Variants in SLC9A4 observed in about 807,000 individuals in gnomAD.
The protein encoded by SLC9A4 is solute carrier family 9 member A4, also known as sodium/hydrogen exchanger 4.
Under a neutral mutation model 67.4 loss-of-function variants are expected in SLC9A4, and 63 were observed. The ratio of observed to expected loss-of-function variants is 0.93; its 90% CI spans 0.76 to 1.15. The LOEUF (loss-of-function observed/expected upper bound fraction) is 1.15. SLC9A4 is among the 50% of genes most tolerant of loss of function. SLC9A4 has a pLI of 0.00. For missense variants in SLC9A4, 1,089 were observed against 987.7 expected (o/e 1.10, Z -1.38); for synonymous variants, 393 against 367.2 (o/e 1.07, Z -0.80).
At chr2:102,487,181 G>A (rs909695985) in intron 2 of SLC9A4, among the ~76,000 whole-genome samples, 1 of 150,392 alleles carries the variant, frequency 6.6e-6, no homozygotes, top group Non-Finnish European at 1.5e-5. Flanking sequence ...CACAGCTGGT[G>A]TGTGTGTGTG....
chr2:102,532,676 C>A lies in SLC9A4; in HGVS notation c.2385C>A (p.Leu795=). Residue 795 remains leucine, a synonymous_variant, in exon 12 of 12, where the codon CTC becomes CTA. Coordinates refer to ENST00000295269, the MANE Select transcript of SLC9A4 (RefSeq NM_001011552.4). The stretch of plus-strand genomic sequence containing the variant: ...ATCACAGGTCCCATAGTCCTTTGCT[C>A]CAAAAAAAATAGTGTTATTGTCCAC... ...RDHHRSHSPL[L]QKK is the part of the protein sequence containing the mutation. 2.5e-6 allele frequency: 4 copies of A among 1,610,474 alleles called. No homozygotes were observed. The highest frequency in any genetic ancestry group is 1.7e-5 in the Admixed American group (1 of 59,420).
At chr2:102,487,272 A>G (rs897979337) in intron 2 of SLC9A4, among the ~76,000 whole-genome samples, 12 of 152,032 alleles carry the variant, frequency 7.9e-5, no homozygotes, top group African/African-American at 2.9e-4. Flanking sequence ...CAACCACTAT[A>G]GCTTGTGATG....
At chr2:102,498,560 T>C (rs1191222237) in intron 2 of SLC9A4, among the ~76,000 whole-genome samples, 1 of 152,232 alleles carries the variant, frequency 6.6e-6, no homozygotes, top group Non-Finnish European at 1.5e-5. Context: ...ACTTTCCTTT[T>C]CTGGGATTGT....
intron 3 of SLC9A4, among the ~76,000 whole-genome samples, chr2:102,504,474 C>T (rs1685008757): frequency 6.6e-6 from 1 of 152,160 alleles, no homozygotes. Flanking sequence ...ATCTACATTT[C>T]CTTGCTCTAA....
At chr2:102,475,594 T>C (rs759320318) in intron 1 of SLC9A4, among the ~76,000 whole-genome samples, 2 of 152,222 alleles carry the variant, frequency 1.3e-5, no homozygotes, top group Non-Finnish European at 2.9e-5. Flanking sequence ...CATAGAACTG[T>C]TGGTTTAAAT....
At position 102,503,439 on chromosome 2, in the gene SLC9A4, T is replaced by C. The variant is rs564690193; in HGVS notation, c.721-9T>C. On this transcript the variant is annotated splice_polypyrimidine_tract_variant and intron_variant, in intron 2 of 11. Transcript: ENST00000295269. ...TAATTCATATTTGTTTACTCTCTTTTTTGCCTAGGTCTTATACAATATGTT... is the reference window on the plus strand; with the variant it reads ...TAATTCATATTTGTTTACTCTCTTTCTTGCCTAGGTCTTATACAATATGTT... 3 of 1,571,272 alleles carry C rather than the reference T, an allele frequency of 1.9e-6. No homozygotes were observed. In the African/African-American group the frequency reaches 4.1e-5, roughly 21 times the overall value.
chr2:102,477,886 T>A (rs567623777), intron 1 of SLC9A4, among the ~76,000 whole-genome samples: 9 of 152,258 alleles, frequency 5.9e-5, no homozygotes, highest in Non-Finnish European at 1.3e-4. Context: ...TTTGTTGATA[T>A]GTTCAATATA....
chr2:102,528,111 G>A (rs953853842), intron 11 of SLC9A4, among the ~76,000 whole-genome samples: 1 of 152,070 alleles, frequency 6.6e-6, no homozygotes, highest in South Asian at 2.1e-4. Context: ...GAGTTCAAGC[G>A]ATTCTCCTGG....
intron 2 of SLC9A4, among the ~76,000 whole-genome samples, chr2:102,484,608 A>AG (rs1211899832): frequency 6.6e-6 from 1 of 152,186 alleles, no homozygotes; most frequent in Non-Finnish European, 1.5e-5. Context: ...ATTCTGAACA[A>AG]GCAGCTGATT....
chr2:102,507,626 G>A (rs1049487218), intron 4 of SLC9A4, among the ~76,000 whole-genome samples: 2 of 151,964 alleles, frequency 1.3e-5, no homozygotes, highest in Non-Finnish European at 2.9e-5. Flanking sequence ...GTCTCTAAGA[G>A]GACCCCTCTC....
intron 2 of SLC9A4, among the ~76,000 whole-genome samples, chr2:102,498,205 A>G (rs1259691571): frequency 1.3e-5 from 2 of 152,210 alleles, no homozygotes; most frequent in East Asian, 1.9e-4. Flanking sequence ...TGCAACTATA[A>G]TGTTACCCAG....
At chr2:102,477,917 T>C (rs1222477413) in intron 1 of SLC9A4, among the ~76,000 whole-genome samples, 2 of 152,246 alleles carry the variant, frequency 1.3e-5, no homozygotes, top group Non-Finnish European at 2.9e-5. Flanking sequence ...TATACTTACA[T>C]GTCATCTTCT....
At chr2:102,508,058 T>C (rs1192651617) in intron 4 of SLC9A4, 21 bp from the exon 5 acceptor site, 1 of 1,611,052 alleles carries the variant, frequency 6.2e-7, no homozygotes, top group African/African-American at 1.3e-5. Context: ...TCTGCTCTAA[T>C]ACACGTTTCC....
At chr2:102,496,139 A>C (rs1363794874) in intron 2 of SLC9A4, among the ~76,000 whole-genome samples, 1 of 152,226 alleles carries the variant, frequency 6.6e-6, no homozygotes, top group Non-Finnish European at 1.5e-5. Context: ...AAAGACATAG[A>C]GAATATGGAA....
chr2:102,532,216 C>A, intron 11 of SLC9A4, 114 bp from the exon 12 acceptor site: 1 of 1,214,384 alleles, frequency 8.2e-7, no homozygotes, highest in Non-Finnish European at 1.1e-6. Flanking sequence ...GAGTGTAGAG[C>A]TGAAACCTCA....
chr2:102,486,538 T>C (rs958959177), intron 2 of SLC9A4, among the ~76,000 whole-genome samples: 2 of 152,194 alleles, frequency 1.3e-5, no homozygotes, highest in East Asian at 1.9e-4. Context: ...CTTCTTTATA[T>C]TTTCTTTCAT....
At chr2:102,492,570 G>A (rs1055726793) in intron 2 of SLC9A4, among the ~76,000 whole-genome samples, 3 of 152,194 alleles carry the variant, frequency 2.0e-5, no homozygotes, top group African/African-American at 4.8e-5. Flanking sequence ...GAGACACACC[G>A]TACCATGTCC....
intron 11 of SLC9A4, among the ~76,000 whole-genome samples, chr2:102,528,819 C>T (rs1401738492): frequency 6.6e-6 from 1 of 152,122 alleles, no homozygotes; most frequent in African/African-American, 2.4e-5. Context: ...AATGGATGTC[C>T]TCACTAAAGG....
chr2:102,473,817 G>C lies in SLC9A4; in HGVS notation c.58G>C (p.Ala20Pro). 1 of 1,614,122 alleles carries C rather than the reference G, an allele frequency of 6.2e-7. No individual in the cohort carries two copies. Among genetic ancestry groups the C allele is most frequent in the Non-Finnish European group, 8.5e-7 (1 of 1,179,964 alleles). Residue 20 changes from alanine to proline, a missense_variant, in exon 1 of 12, where the codon GCT becomes CCT. Transcript: ENST00000295269. ...SPWNCLLLLVALECSEASSDL... is the reference protein window; with the variant it reads ...SPWNCLLLLVPLECSEASSDL... ...TTGGAATTGTTTGCTACTGCTAGTG[G>C]CTCTTGAGTGTTCTGAAGCATCTTC... is the stretch of plus-strand genomic sequence containing the variant.
Sources: gnomAD v4.1 joint callset for allele counts (sites outside exome capture counted in the v4.1 genomes callset) on GRCh38, gnomAD v4.1.1 for gene constraint, MANE v1.5 for transcripts, NCBI Gene and HGNC (gene_info 2026-07-23, HGNC 2026-07-21) for gene names.